The following RAD51B variants were observed in gnomAD, a reference collection of about 807,000 sequenced individuals.
RAD51B encodes the protein DNA repair protein RAD51 homolog 2.
Under a neutral mutation model 42.2 loss-of-function variants are expected in RAD51B, and 38 were observed. The observed-to-expected ratio is 0.90, with a 90% CI of 0.70 to 1.18. RAD51B has a LOEUF of 1.18. Among genes scored for constraint, RAD51B ranks in the 50% most tolerant of loss-of-function variants. The probability of loss-of-function intolerance (pLI) is 0.00; values close to 1 mark genes in which losing one functional copy is unlikely to be tolerated. For missense variants in RAD51B, 373 were observed against 400.7 expected (o/e 0.93, Z 0.59); for synonymous variants, 154 against 145.2 (o/e 1.06, Z -0.43).
intron 9 of RAD51B, among the ~76,000 whole-genome samples, chr14:68,430,821 C>A (rs2140134349): frequency 6.6e-6 from 1 of 152,080 alleles, no homozygotes; most frequent in East Asian, 1.9e-4. Flanking sequence ...GCATCCCTGT[C>A]TTGTGCCAGT....
intron 8 of RAD51B, among the ~76,000 whole-genome samples, chr14:68,342,301 A>G (rs11845916): frequency 7.2e-5 from 11 of 152,218 alleles, no homozygotes; most frequent in African/African-American, 2.7e-4. Context: ...AAAATTTACT[A>G]GTCAAGGGCT....
At chr14:68,366,237 G>C (rs961326743) in intron 8 of RAD51B, among the ~76,000 whole-genome samples, 1 of 152,118 alleles carries the variant, frequency 6.6e-6, no homozygotes, top group Non-Finnish European at 1.5e-5. Flanking sequence ...CTAAAGTACT[G>C]TTCATCAGCT....
intron 10 of RAD51B, among the ~76,000 whole-genome samples, chr14:68,551,464 G>T (rs953520361): frequency 1.3e-5 from 2 of 152,170 alleles, no homozygotes; most frequent in African/African-American, 4.8e-5. Flanking sequence ...TTTTGCTTAG[G>T]CTGTTCCCCT....
chr14:68,540,959 A>G, intron 10 of RAD51B: 1 of 985,460 alleles, frequency 1.0e-6, no homozygotes, highest in Non-Finnish European at 1.2e-6. Context: ...CCACAACTAT[A>G]ATACATCTTT....
chr14:68,309,031 A>T (rs1396204735), intron 8 of RAD51B, among the ~76,000 whole-genome samples: 1 of 152,182 alleles, frequency 6.6e-6, no homozygotes, highest in African/African-American at 2.4e-5. Context: ...TAGACCTATG[A>T]ACATATCTTT....
intron 10 of RAD51B, among the ~76,000 whole-genome samples, chr14:68,635,464 C>G (rs1220959132): frequency 6.6e-6 from 1 of 151,996 alleles, no homozygotes; most frequent in Non-Finnish European, 1.5e-5. Context: ...CTACACGTGT[C>G]ATTTTAAATT....
At chr14:68,539,254 T>G (rs1485833931) in intron 10 of RAD51B, among the ~76,000 whole-genome samples, 1 of 152,048 alleles carries the variant, frequency 6.6e-6, no homozygotes, top group East Asian at 1.9e-4. Context: ...GGGAGGGAGA[T>G]TTTTGATAAC....
chr14:67,936,052 A>T (rs2044932136), intron 7 of RAD51B, among the ~76,000 whole-genome samples: 1 of 152,250 alleles, frequency 6.6e-6, no homozygotes. Context: ...CATTATAAAA[A>T]GCCTTCAAAA....
chr14:67,926,940 G>A (rs1338178136), intron 7 of RAD51B, among the ~76,000 whole-genome samples: 1 of 152,084 alleles, frequency 6.6e-6, no homozygotes, highest in Non-Finnish European at 1.5e-5. Flanking sequence ...CTGAGGTCAG[G>A]GATAATAGTA....
intron 7 of RAD51B, among the ~76,000 whole-genome samples, chr14:67,993,198 A>G (rs1285799464): frequency 6.6e-6 from 1 of 151,922 alleles, no homozygotes; most frequent in Non-Finnish European, 1.5e-5. Context: ...GAGGGTATGG[A>G]TACCCCATCT....
chr14:68,332,073 G>A (rs189553138), intron 8 of RAD51B, among the ~76,000 whole-genome samples: 1 of 152,230 alleles, frequency 6.6e-6, no homozygotes, highest in Non-Finnish European at 1.5e-5. Flanking sequence ...CACATTATAG[G>A]CTTACTTTTA....
chr14:68,552,632 AT>A (rs887755106), intron 10 of RAD51B, among the ~76,000 whole-genome samples: 23 of 152,176 alleles, frequency 1.5e-4, no homozygotes, highest in African/African-American at 4.8e-4. Context: ...TAATCATAGT[AT>A]TTTTTTAAAA....
At chr14:68,511,114 A>G (rs72727493) in intron 10 of RAD51B, among the ~76,000 whole-genome samples, 186 of 152,320 alleles carry the variant, frequency 1.2e-3, no homozygotes, top group Non-Finnish European at 2.0e-3. Flanking sequence ...AGAGTTGGGA[A>G]AGGTAAAGGA....
chr14:68,463,241 A>T (rs1032708501), intron 9 of RAD51B, among the ~76,000 whole-genome samples: 2 of 152,194 alleles, frequency 1.3e-5, no homozygotes, highest in African/African-American at 4.8e-5. Flanking sequence ...ATTCAGATCA[A>T]AAAAAGGGAG....
intron 8 of RAD51B, among the ~76,000 whole-genome samples, chr14:68,307,836 G>C (rs1410060517): frequency 6.6e-6 from 1 of 152,158 alleles, no homozygotes; most frequent in Non-Finnish European, 1.5e-5. Flanking sequence ...AATCAAGTTT[G>C]TTCACACCCT....
Position 67,871,088 on chromosome 14 carries a change from G to A in RAD51B, c.452+5949G>A, listed in dbSNP as rs1595038034. 2.0e-5 allele frequency among the ~76,000 whole-genome samples: 3 copies of A among 152,188 alleles called. No individual in the cohort carries two copies. In the East Asian group the frequency reaches 5.8e-4, roughly 29 times the overall value. On this transcript the variant is annotated intron_variant, in intron 5 of 10. Coordinates refer to ENST00000471583, the MANE Select transcript of RAD51B (RefSeq NM_133510.4). ...AGAAGGCAGGAAATAACTAAAATCA[G>A]AGCAGAACTGAAGGAAATAGAGACA...
chr14:68,549,088 G>A (rs374177449), intron 10 of RAD51B, among the ~76,000 whole-genome samples: 34 of 152,206 alleles, frequency 2.2e-4, no homozygotes, highest in African/African-American at 7.7e-4. Flanking sequence ...GGAGCTGAGG[G>A]TTTTGAGCCC....
chr14:68,307,589 A>G (rs368647906), intron 8 of RAD51B, among the ~76,000 whole-genome samples: 2 of 152,206 alleles, frequency 1.3e-5, no homozygotes, highest in African/African-American at 2.4e-5. Flanking sequence ...ACTTGCACCA[A>G]TTAAATCTGT....
chr14:68,426,214 G>T (rs918933610), intron 9 of RAD51B, among the ~76,000 whole-genome samples: 1 of 150,036 alleles, frequency 6.7e-6, no homozygotes, highest in Non-Finnish European at 1.5e-5. Context: ...GATTACAGGC[G>T]CCCACCACCA....
Sources: gnomAD v4.1 joint callset for allele counts (sites outside exome capture counted in the v4.1 genomes callset) on GRCh38, gnomAD v4.1.1 for gene constraint, MANE v1.5 for transcripts, NCBI Gene and HGNC (gene_info 2026-07-23, HGNC 2026-07-21) for gene names.